Variants in GRID1 observed in about 807,000 individuals in gnomAD.
GRID1 encodes the protein glutamate ionotropic receptor delta type subunit 1.
Under a neutral mutation model 98.0 loss-of-function variants are expected in GRID1, and 28 were observed. That is an observed-to-expected ratio of 0.29 (90% CI 0.21 to 0.39). The LOEUF (loss-of-function observed/expected upper bound fraction) is 0.39. Among genes scored for constraint, GRID1 ranks in the 10% least tolerant of loss-of-function variants. The pLI is 1.00. For synonymous variants in GRID1, 553 were observed against 538.5 expected, an observed-to-expected ratio of 1.03 and a Z score of -0.37; for missense variants, 1,111 against 1,340.5, an observed-to-expected ratio of 0.83 and a Z score of 2.67.
intron 4 of GRID1, among the ~76,000 whole-genome samples, chr10:86,119,785 G>A (rs2131958001): frequency 6.6e-6 from 1 of 152,048 alleles, no homozygotes. Flanking sequence ...CCACTGTTGT[G>A]TTTTTGTTTT....
chr10:85,600,754 C>T lies in GRID1; in HGVS notation c.*1519G>A, dbSNP rs1380559587. Reference sequence around the variant, plus strand: ...TTCCCTGATTCTGTAGTTTAGTTGCCTCAGAAAGGGCAACTGAAGGAGGGG... The same window carrying T: ...TTCCCTGATTCTGTAGTTTAGTTGCTTCAGAAAGGGCAACTGAAGGAGGGG... On this transcript the variant is annotated 3_prime_UTR_variant, in exon 16 of 16. Coordinates refer to ENST00000327946, the MANE Select transcript of GRID1 (RefSeq NM_017551.3). The T allele has an allele frequency of 2.6e-5, 4 of 152,226 alleles. No homozygotes were observed. Among genetic ancestry groups the T allele is most frequent in the Non-Finnish European group, 5.9e-5 (4 of 68,054 alleles). The allele number at this position is 152,226 out of a possible 1,614,324, so 9.4% of individuals were successfully genotyped here.
chr10:85,959,129 C>G (rs1248706940), intron 4 of GRID1, among the ~76,000 whole-genome samples: 1 of 152,192 alleles, frequency 6.6e-6, no homozygotes, highest in African/African-American at 2.4e-5. Flanking sequence ...TCCTGGGTCT[C>G]CTGTTTCCTG....
chr10:86,213,230 G>C (rs1846130668), intron 2 of GRID1, among the ~76,000 whole-genome samples: 2 of 151,950 alleles, frequency 1.3e-5, no homozygotes, highest in African/African-American at 4.8e-5. Context: ...GGATCAACCT[G>C]CCCACGCTCC....
intron 2 of GRID1, among the ~76,000 whole-genome samples, chr10:86,212,695 T>C (rs1374087036): frequency 6.6e-6 from 1 of 152,258 alleles, no homozygotes; most frequent in Non-Finnish European, 1.5e-5. Flanking sequence ...TCTTCCTTTC[T>C]TCCTTTAAAT....
intron 2 of GRID1, among the ~76,000 whole-genome samples, chr10:86,302,789 C>T (rs1203671253): frequency 6.6e-6 from 1 of 152,198 alleles, no homozygotes; most frequent in East Asian, 1.9e-4. Flanking sequence ...TTGTTCTAGA[C>T]CTTAGTTACT....
intron 4 of GRID1, among the ~76,000 whole-genome samples, chr10:86,086,834 G>A (rs1844066249): frequency 6.6e-6 from 1 of 152,170 alleles, no homozygotes; most frequent in African/African-American, 2.4e-5. Context: ...CACTTTGAAA[G>A]TCCAGGAGCT....
intron 6 of GRID1, among the ~76,000 whole-genome samples, chr10:85,858,239 G>C (rs1009962900): frequency 1.3e-5 from 2 of 152,210 alleles, no homozygotes; most frequent in Non-Finnish European, 2.9e-5. Flanking sequence ...AGGATGGCCA[G>C]ATGTTGCAGA....
intron 12 of GRID1, among the ~76,000 whole-genome samples, chr10:85,720,385 A>G (rs937251173): frequency 1.1e-4 from 16 of 152,148 alleles, no homozygotes; most frequent in African/African-American, 3.9e-4. Flanking sequence ...CTAACAAAGA[A>G]GATTAAAATG....
At chr10:85,787,063 T>C (rs1315882318) in intron 8 of GRID1, among the ~76,000 whole-genome samples, 1 of 152,162 alleles carries the variant, frequency 6.6e-6, no homozygotes, top group Non-Finnish European at 1.5e-5. Flanking sequence ...GCAGCCCTGG[T>C]TAGAGCACAG....
At chr10:86,279,215 G>A (rs73334099) in intron 2 of GRID1, among the ~76,000 whole-genome samples, 10,555 of 152,128 alleles carry the variant, frequency 0.069, 1,047 homozygotes, top group African/African-American at 0.23. Context: ...TCAGAAGAGG[G>A]CCCTCATCAG....
intron 2 of GRID1, among the ~76,000 whole-genome samples, chr10:86,245,782 G>A (rs992482077): frequency 2.5e-4 from 38 of 152,322 alleles, no homozygotes; most frequent in African/African-American, 7.7e-4. Context: ...GGAAGCCCCC[G>A]CTTCCCACCA....
intron 5 of GRID1, among the ~76,000 whole-genome samples, chr10:85,897,428 G>A (rs1464012851): frequency 2.0e-5 from 3 of 152,204 alleles, no homozygotes; most frequent in Non-Finnish European, 4.4e-5. Context: ...AGGGAAGATG[G>A]GGAGGGAACC....
chr10:85,691,749 C>T (rs780742295), intron 12 of GRID1, among the ~76,000 whole-genome samples: 4 of 152,204 alleles, frequency 2.6e-5, no homozygotes, highest in Non-Finnish European at 5.9e-5. Flanking sequence ...TTCTTTCCCT[C>T]ATTTTTAAAA....
rs373743191 is a variant in GRID1 at position 85,740,449 on chromosome 10, A to T, written c.1234-10835T>A. Among the ~76,000 whole-genome samples, 85 of 152,298 alleles carry T rather than the reference A, an allele frequency of 5.6e-4. 1 individual carries two copies. Among genetic ancestry groups the T allele is most frequent in the African/African-American group, 2.0e-3 (83 of 41,570 alleles). On this transcript the variant is annotated intron_variant, in intron 8 of 15. Transcript: ENST00000327946. ...ATACCTCAGTCTGAAGTCTGACAAG[A>T]CACTTCTGACAGTCAATTCTATGAG... is the stretch of plus-strand genomic sequence containing the variant.
intron 12 of GRID1, among the ~76,000 whole-genome samples, chr10:85,664,306 A>G (rs564904952): frequency 2.6e-5 from 4 of 152,234 alleles, no homozygotes; most frequent in Non-Finnish European, 5.9e-5. Flanking sequence ...CTATTGTCCA[A>G]TGAGGAACCC....
chr10:86,313,805 C>A (rs1847863466), intron 2 of GRID1, among the ~76,000 whole-genome samples: 2 of 152,218 alleles, frequency 1.3e-5, no homozygotes, highest in South Asian at 4.1e-4. Flanking sequence ...CCCCAGCCCC[C>A]AGACTGGCGC....
chr10:85,979,311 A>G (rs1371841814), intron 4 of GRID1, among the ~76,000 whole-genome samples: 1 of 152,236 alleles, frequency 6.6e-6, no homozygotes, highest in South Asian at 2.1e-4. Flanking sequence ...GGAGGTCCCC[A>G]AGTTTTCTAT....
rs1841602989 is a variant in GRID1, at chr10:85,713,395, G to C, written c.1997+9608C>G. On this transcript the variant is annotated intron_variant, in intron 12 of 15. Transcript: ENST00000327946. ...TGAGCATACTAATAGTGGGTAATAA[G>C]ATTGAAACAGTAATCAGAAACCTCC... 1.3e-5 allele frequency among the ~76,000 whole-genome samples: 2 copies of C among 151,650 alleles called. 1 individual carries two copies. The highest frequency in any genetic ancestry group is 4.1e-4 in the South Asian group (2 of 4,830).
At position 85,702,092 on chromosome 10, in the gene GRID1, A is replaced by T. The variant is rs1590195949; in HGVS notation, c.1997+20911T>A. ...AATATTGTGTTAAAGATACTAAAGA[A>T]TATATTGTTAGAAAAGCATATGCTA... On this transcript the variant is annotated intron_variant, in intron 12 of 15. Coordinates refer to ENST00000327946, the MANE Select transcript of GRID1 (RefSeq NM_017551.3). Among the ~76,000 whole-genome samples, 3 of 152,294 alleles carry T rather than the reference A, an allele frequency of 2.0e-5. No homozygotes were observed. The East Asian group carries it at 5.8e-4, about 29-fold the overall frequency.
Sources: allele counts gnomAD v4.1 joint callset (sites outside exome capture counted in the v4.1 genomes callset), GRCh38; gene constraint gnomAD v4.1.1; transcripts MANE v1.5; gene names NCBI Gene and HGNC (gene_info 2026-07-23, HGNC 2026-07-21).